The following WWP1 variants were observed in gnomAD, a reference collection of about 807,000 sequenced individuals.
WWP1 encodes WW domain containing E3 ubiquitin protein ligase 1.
A neutral mutation model predicts 130.6 loss-of-function variants in WWP1; 49 were observed. That is an observed-to-expected ratio of 0.38 (90% CI 0.30 to 0.48). WWP1 has a LOEUF of 0.48. Among genes scored for constraint, WWP1 ranks in the 20% least tolerant of loss-of-function variants. The pLI is 0.99. For missense variants in WWP1, 809 were observed against 1,100.6 expected, an observed-to-expected ratio of 0.74 and a Z score of 3.75; for synonymous variants, 332 against 367.8, an observed-to-expected ratio of 0.90 and a Z score of 1.11.
intron 9 of WWP1, among the ~76,000 whole-genome samples, chr8:86,423,410 G>A (rs940007058): frequency 6.6e-6 from 1 of 152,056 alleles, no homozygotes; most frequent in Non-Finnish European, 1.5e-5. Flanking sequence ...CTTGAGATTA[G>A]GGAGTGGTGA....
At position 86,431,393 on chromosome 8, in the gene WWP1, C is replaced by T. The variant is rs759162700; in HGVS notation, c.1388-13C>T. 1.6e-4 allele frequency: 244 copies of T among 1,560,810 alleles called. No individual in the cohort carries two copies. Among genetic ancestry groups the T allele is most frequent in the Non-Finnish European group, 2.1e-4 (239 of 1,145,406 alleles). On this transcript the variant is annotated splice_polypyrimidine_tract_variant and intron_variant, in intron 12 of 24. Coordinates refer to ENST00000517970, the MANE Select transcript of WWP1 (RefSeq NM_007013.4). ...AAATAGTTATTAAATATTATACTCA[C>T]TTTATATTTCAGAAAAAAGAGTGGA...
At chr8:86,382,678 C>T (rs1188747549) in intron 5 of WWP1, among the ~76,000 whole-genome samples, 2 of 151,998 alleles carry the variant, frequency 1.3e-5, no homozygotes, top group African/African-American at 2.4e-5. Flanking sequence ...CCAGCCTGGG[C>T]GACAGGGTGA....
At chr8:86,385,171 T>TAG (rs1825206619) in intron 5 of WWP1, among the ~76,000 whole-genome samples, 1 of 152,204 alleles carries the variant, frequency 6.6e-6, no homozygotes, top group Non-Finnish European at 1.5e-5. Flanking sequence ...AGGTTATTGA[T>TAG]AGAGATATTA....
At chr8:86,402,292 A>G in intron 8 of WWP1, 89 bp downstream of exon 8, 1 of 1,444,290 alleles carries the variant, frequency 6.9e-7, no homozygotes, top group East Asian at 2.5e-5. Flanking sequence ...CTTTTTGTGT[A>G]GTCTTTTTTT....
Position 86,425,293 on chromosome 8 carries a change from G to C in WWP1, c.1132G>C (p.Glu378Gln). 6.2e-7 allele frequency: 1 copy of C among 1,613,078 alleles called. No homozygotes were observed. The highest frequency in any genetic ancestry group is 1.1e-5 in the South Asian group (1 of 90,878). The change falls in exon 10 of 25, where the codon GAG becomes CAG. Residue 378 changes from glutamate to glutamine, a missense_variant. Coordinates refer to ENST00000517970, the MANE Select transcript of WWP1 (RefSeq NM_007013.4). Reference sequence around the variant, plus strand: ...TCATAATACTCGAACTACCACATGGGAGAGACCACAACCTTTACCTCCAGG... The same window carrying C: ...TCATAATACTCGAACTACCACATGGCAGAGACCACAACCTTTACCTCCAGG... Reference protein sequence around the residue: ...VDHNTRTTTWERPQPLPPGWE... With the variant: ...VDHNTRTTTWQRPQPLPPGWE...
At chr8:86,344,007 A>T (rs1291998064) in intron 1 of WWP1, among the ~76,000 whole-genome samples, 1 of 151,966 alleles carries the variant, frequency 6.6e-6, no homozygotes, top group Non-Finnish European at 1.5e-5. Context: ...AATCCACTTT[A>T]CCTGCCTCAC....
rs114422861 is a variant in WWP1, at chr8:86,425,393, G to A, written c.1157+75G>A. ...GGTTTTTAAATTTATTTAGTACAGCGTAATTTGATTCTTTCATTCTGCATA... is the reference window on the plus strand; with the variant it reads ...GGTTTTTAAATTTATTTAGTACAGCATAATTTGATTCTTTCATTCTGCATA... On this transcript the variant is annotated intron_variant, in intron 10 of 24. Coordinates refer to ENST00000517970, the MANE Select transcript of WWP1 (RefSeq NM_007013.4). The A allele has an allele frequency of 1.5e-3, 1,620 of 1,101,648 alleles. 12 individuals are homozygous for A. The African/African-American group carries it at 0.023, about 16-fold the overall frequency. 68.2% of individuals were successfully genotyped at this position (1,101,648 alleles called of 1,614,324 possible).
chr8:86,425,278 C>A lies in WWP1; in HGVS notation c.1117C>A (p.Arg373=), dbSNP rs1297758030. Residue 373 remains arginine, a synonymous_variant, in exon 10 of 25, where the codon CGA becomes AGA. Coordinates refer to ENST00000517970, the MANE Select transcript of WWP1 (RefSeq NM_007013.4). ...AACCTATTATGTGGATCATAATACT[C>A]GAACTACCACATGGGAGAGACCACA... ...GRTYYVDHNT[R]TTTWERPQPL... The A allele has an allele frequency of 1.9e-6, 3 of 1,613,256 alleles. No individual in the cohort carries two copies. The highest frequency in any genetic ancestry group is 2.5e-6 in the Non-Finnish European group (3 of 1,179,582).
chr8:86,433,850 A>T (rs1186006100), intron 14 of WWP1, among the ~76,000 whole-genome samples: 1 of 152,020 alleles, frequency 6.6e-6, no homozygotes, highest in African/African-American at 2.4e-5. Context: ...CCCAGGAGGC[A>T]GAGGTTGCAG....
chr8:86,442,453 G>A (rs1389626842), intron 17 of WWP1, 166 bp from the exon 18 acceptor site: 2 of 525,786 alleles, frequency 3.8e-6, no homozygotes, highest in African/African-American at 1.9e-5. Context: ...TAACTTAAAT[G>A]GAGAGCCAGA....
Position 86,375,745 on chromosome 8 carries a change from G to A in WWP1, c.70+1625G>A, listed in dbSNP as rs527774790. On this transcript the variant is annotated intron_variant, in intron 3 of 24. Transcript: ENST00000517970. The stretch of plus-strand genomic sequence containing the variant: ...CAACAAATAACTTCATACAAAAGTC[G>A]TTTCTTATGTCTGCTCATGTATCAA... Among the ~76,000 whole-genome samples, 101 of 152,246 alleles carry A rather than the reference G, an allele frequency of 6.6e-4. 2 individuals are homozygous for A. The South Asian group carries it at 8.5e-3, about 13-fold the overall frequency.
intron 5 of WWP1, among the ~76,000 whole-genome samples, chr8:86,395,338 T>C (rs1216611796): frequency 6.6e-6 from 1 of 152,186 alleles, no homozygotes; most frequent in Admixed American, 6.5e-5. Flanking sequence ...AATATGTAAA[T>C]GAATGAGCAT....
At chr8:86,410,384 T>G (rs560148365) in intron 8 of WWP1, among the ~76,000 whole-genome samples, 1 of 152,316 alleles carries the variant, frequency 6.6e-6, no homozygotes, top group African/African-American at 2.4e-5. Flanking sequence ...TTGAGTTAGT[T>G]TAGCTAATTT....
intron 12 of WWP1, among the ~76,000 whole-genome samples, chr8:86,431,094 TTATATA>T (rs961413373): frequency 7.3e-6 from 1 of 136,824 alleles, no homozygotes; most frequent in African/African-American, 2.7e-5. Flanking sequence ...TATATATGTA[TTATATA>T]TATAATATAC....
Position 86,402,017 on chromosome 8 carries a change from A to G in WWP1, c.540-2A>G, listed in dbSNP as rs1808009800. ...ATTGAAATAAGGCATTTTTTTTTCAAGGTTGGCTGTTGAAGGCACGAATGG... is the reference window on the plus strand; with the variant it reads ...ATTGAAATAAGGCATTTTTTTTTCAGGGTTGGCTGTTGAAGGCACGAATGG... On this transcript the variant is annotated splice_acceptor_variant, in intron 7 of 24. Transcript: ENST00000517970. LOFTEE classifies it high-confidence loss of function. The G allele has an allele frequency of 4.5e-6, 7 of 1,547,354 alleles. No homozygotes were observed. Among genetic ancestry groups the G allele is most frequent in the Non-Finnish European group, 6.1e-6 (7 of 1,146,048 alleles).
chr8:86,362,080 A>G (rs1210041160), intron 1 of WWP1, among the ~76,000 whole-genome samples: 1 of 140,954 alleles, frequency 7.1e-6, no homozygotes, highest in African/African-American at 2.7e-5. Flanking sequence ...ATACACATAT[A>G]TACACACATA....
At chr8:86,431,378 T>C (rs762482412) in intron 12 of WWP1, 28 bp from the exon 13 acceptor site, 4 of 1,331,014 alleles carry the variant, frequency 3.0e-6, no homozygotes, top group East Asian at 2.5e-5. Context: ...AAATAGTTAT[T>C]AAATATTATA....
intron 8 of WWP1, among the ~76,000 whole-genome samples, chr8:86,403,822 T>G (rs1415977664): frequency 1.3e-5 from 2 of 151,804 alleles, no homozygotes; most frequent in Admixed American, 6.6e-5. Context: ...TAATTTAAGG[T>G]GGCTAGAAAA....
chr8:86,393,276 G>A (rs559756164), intron 5 of WWP1, among the ~76,000 whole-genome samples: 199 of 151,868 alleles, frequency 1.3e-3, no homozygotes, highest in African/African-American at 4.6e-3. Flanking sequence ...GCACGATCTC[G>A]GCTCACTGCA....
Sources: gnomAD v4.1 joint callset for allele counts (sites outside exome capture counted in the v4.1 genomes callset) on GRCh38, gnomAD v4.1.1 for gene constraint, MANE v1.5 for transcripts, NCBI Gene and HGNC (gene_info 2026-07-23, HGNC 2026-07-21) for gene names.